DST: variants seen among roughly 807,000 people sequenced by gnomAD.
The protein encoded by DST is dystonin, also known as bullous pemphigoid antigen.
In DST, 253 loss-of-function variants were observed where a neutral mutation model predicts 875.2. The observed-to-expected ratio is 0.29, with a 90% CI of 0.26 to 0.32. The LOEUF (loss-of-function observed/expected upper bound fraction) is 0.32. Ranked by LOEUF, DST falls within the 10% of genes least tolerant of loss-of-function variation. The pLI is 1.00. For synonymous variants in DST, 3,124 were observed against 3,197.1 expected (o/e 0.98, Z 0.77); for missense variants, 8,287 against 9,111.6 (o/e 0.91, Z 3.68).
At chr6:56,496,108 T>C (rs575997950) in intron 82 of DST, among the ~76,000 whole-genome samples, 6 of 152,308 alleles carry the variant, frequency 3.9e-5, no homozygotes, top group Non-Finnish European at 8.8e-5. Context: ...TTAAAAAATT[T>C]CTGATGTAAA....
chr6:56,954,468 G>A lies in DST; in HGVS notation c.120C>T (p.Arg40=). The A allele has an allele frequency of 7.3e-7, 1 of 1,367,544 alleles. No individual in the cohort carries two copies. The allele number at this position is 1,367,544 out of a possible 1,614,324, so 84.7% of individuals were successfully genotyped here. A position where few individuals can be genotyped will look rare whatever the true frequency, so the allele number is the denominator to read the frequency against. Residue 40 remains arginine (R), a synonymous_variant, in exon 1 of 104, where the codon CGC becomes CGT. Transcript: ENST00000680361. ...ATIVFFCCWH[R]KLQKGRHPMK... ...TCGGATGCCTCCCTTTCTGGAGCTT[G>A]CGGTGCCAGCAGCAGAAGAAGACGA...
Position 56,501,596 on chromosome 6 carries a change from T to C in DST, c.19664A>G (p.Lys6555Arg), listed in dbSNP as rs2096127306. 6.2e-7 allele frequency: 1 copy of C among 1,609,406 alleles called. No individual in the cohort carries two copies. Among genetic ancestry groups the C allele is most frequent in the South Asian group, 1.1e-5 (1 of 90,386 alleles). The change falls in exon 79 of 104, where the codon AAA becomes AGA. Residue 6555 changes from lysine (K) to arginine (R), a missense_variant. By Grantham distance (26) the Lys-to-Arg change is conservative. Around this residue, in one of 10 missense-constraint regions of DST, gnomAD observed 1,292 missense variants for 1,552.7 expected, o/e 0.83. Transcript: ENST00000680361. ...LLKKVTEESD[K>R]HTVQDPLMEL... ...CATTAATGGGTCTTGAACAGTGTGT[T>C]TGTCACTCTCTTCTGTTACTTTCTT...
intron 3 of DST, among the ~76,000 whole-genome samples, chr6:56,876,785 T>C (rs115908156): frequency 5.9e-5 from 9 of 152,304 alleles, no homozygotes; most frequent in African/African-American, 1.4e-4. Context: ...TCCCCAAATG[T>C]ATCCATTTCT....
chr6:56,622,214 A>C (rs986013104), intron 36 of DST, among the ~76,000 whole-genome samples: 8 of 152,204 alleles, frequency 5.3e-5, no homozygotes, highest in African/African-American at 1.7e-4. Flanking sequence ...GAAAAACTAA[A>C]AATTCCCTCA....
chr6:56,912,661 G>A (rs1799267979), intron 2 of DST, among the ~76,000 whole-genome samples: 1 of 152,172 alleles, frequency 6.6e-6, no homozygotes, highest in Non-Finnish European at 1.5e-5. Context: ...ATCAGCAAGT[G>A]GGGGTGGTGC....
In DST at chr6:56,851,543, T is replaced by C; in HGVS notation, c.479A>G (p.Asp160Gly). ...GGAGCCAGATTTCTGGCTGAAATCA[T>C]CCTCATCGGAAAAATCCGCAGAGGA... ...MSSSADFSDE[D>G]DFSQKSGSAS... is the part of the protein sequence containing the mutation. The change falls in exon 4 of 104, where the codon GAT (aspartate) becomes GGT (glycine). Residue 160 changes from aspartate to glycine, a missense_variant. Coordinates refer to ENST00000680361, the MANE Select transcript of DST (RefSeq NM_001374736.1). The C allele has an allele frequency of 6.2e-7, 1 of 1,614,020 alleles. No individual in the cohort carries two copies. The highest frequency in any genetic ancestry group is 1.1e-5 in the South Asian group (1 of 91,068).
intron 3 of DST, among the ~76,000 whole-genome samples, chr6:56,888,802 A>G (rs547042144): frequency 4.0e-4 from 61 of 152,332 alleles, no homozygotes; most frequent in Middle Eastern, 3.4e-3. Flanking sequence ...GTAATCAGAA[A>G]AACAGAAAAT....
intron 9 of DST, among the ~76,000 whole-genome samples, chr6:56,697,079 T>A (rs1157600427): frequency 6.6e-6 from 1 of 152,080 alleles, no homozygotes; most frequent in Non-Finnish European, 1.5e-5. Context: ...TATCCCACCA[T>A]CCCATCAAGC....
At chr6:56,516,883 C>T (rs2096604576) in intron 71 of DST, among the ~76,000 whole-genome samples, 1 of 152,050 alleles carries the variant, frequency 6.6e-6, no homozygotes. Context: ...ATATAAAAAA[C>T]AATAATTTAT....
chr6:56,657,677 A>G (rs1380464265), intron 10 of DST, among the ~76,000 whole-genome samples: 2 of 152,228 alleles, frequency 1.3e-5, no homozygotes, highest in Non-Finnish European at 2.9e-5. Context: ...GTTGTACAAC[A>G]AAGTAAATGT....
At chr6:56,851,367 C>G (rs542511789) in intron 4 of DST, 30 bp downstream of exon 4, 48 of 1,597,478 alleles carry the variant, frequency 3.0e-5, no homozygotes, top group Non-Finnish European at 3.5e-5. Flanking sequence ...TCTCTTCCCC[C>G]ACTCCATCCC....
At position 56,693,458 on chromosome 6, in the gene DST, T is replaced by C. The variant is rs1009017758; in HGVS notation, c.1047+6195A>G. On this transcript the variant is annotated intron_variant, in intron 9 of 103. Coordinates refer to ENST00000680361, the MANE Select transcript of DST (RefSeq NM_001374736.1). Reference sequence around the variant, plus strand: ...CTGATGAGCTCTCAAGGCAAACCCTTAGCTTCACTGTATGAGAAGATTATG... The same window carrying C: ...CTGATGAGCTCTCAAGGCAAACCCTCAGCTTCACTGTATGAGAAGATTATG... 5 of 931,038 alleles carry C rather than the reference T, an allele frequency of 5.4e-6. No individual in the cohort carries two copies. The African/African-American group carries it at 7.1e-5, about 13-fold the overall frequency. The allele number at this position is 931,038 out of a possible 1,614,324, so 57.7% of individuals were successfully genotyped here.
rs1467396140 is a variant in DST at position 56,485,031 on chromosome 6, T to C, written c.21207+281A>G. 2.7e-5 allele frequency: 9 copies of C among 335,698 alleles called. No homozygotes were observed. In the Admixed American group the frequency reaches 4.2e-4, roughly 16 times the overall value. The allele number at this position is 335,698 out of a possible 1,614,324, so 20.8% of individuals were successfully genotyped here. On this transcript the variant is annotated intron_variant, in intron 88 of 103. Coordinates refer to ENST00000680361, the MANE Select transcript of DST (RefSeq NM_001374736.1). ...AGTAAAACATTCTTGAAATCTGTTT[T>C]AAAGCACCAGAGAATGAAATCACTT... is the stretch of plus-strand genomic sequence containing the variant.
chr6:56,644,669 C>G (rs1049338084), intron 15 of DST, among the ~76,000 whole-genome samples: 3 of 152,318 alleles, frequency 2.0e-5, no homozygotes, highest in Middle Eastern at 3.4e-3. Context: ...GATATCTGAA[C>G]TAGCCTAGGG....
rs143645591 is a variant in DST, at chr6:56,938,515, CA to C, written c.216+15269del. Among the ~76,000 whole-genome samples, 965 of 151,848 alleles carry C rather than the reference CA, an allele frequency of 6.4e-3. 10 individuals carry two copies. Among genetic ancestry groups the C allele is most frequent in the African/African-American group, 0.022 (928 of 41,360 alleles). On this transcript the variant is annotated intron_variant, in intron 2 of 103. Transcript: ENST00000680361. Reference sequence around the variant, plus strand: ...AGCCAAGAAATTGGAAAAGACTGTCCAGGGAAAAAAACAGAAAAAGCTTACC... The same window carrying C: ...AGCCAAGAAATTGGAAAAGACTGTCCGGGAAAAAAACAGAAAAAGCTTACC...
At chr6:56,734,574 C>G (rs1202158117) in intron 5 of DST, among the ~76,000 whole-genome samples, 3 of 152,098 alleles carry the variant, frequency 2.0e-5, no homozygotes, top group Non-Finnish European at 4.4e-5. Context: ...GTTCCTTACA[C>G]AAGATTTACA....
chr6:56,460,005 C>T, intron 103 of DST, 126 bp downstream of exon 103: 1 of 1,163,302 alleles, frequency 8.6e-7, no homozygotes, highest in Non-Finnish European at 1.2e-6. Context: ...ACTGGGGCTA[C>T]ATATCATTTT....
chr6:56,477,714 A>C (rs1191327795), intron 90 of DST, among the ~76,000 whole-genome samples: 1 of 152,204 alleles, frequency 6.6e-6, no homozygotes, highest in Non-Finnish European at 1.5e-5. Flanking sequence ...CTTGGAATCC[A>C]AGGGGAGTTG....
Position 56,624,581 on chromosome 6 carries a change from T to C in DST, c.4878A>G (p.Thr1626=). Reference sequence around the variant, plus strand: ...AATCACCAGCAAATTTAATATATTGTGTCATGAGAGTGACCAGGGCAGTAT... The same window carrying C: ...AATCACCAGCAAATTTAATATATTGCGTCATGAGAGTGACCAGGGCAGTAT... The part of the protein sequence containing the change: ...TRYTALVTLM[T]QYIKFAGDSL... Residue 1626 remains threonine, a synonymous_variant, in exon 36 of 104, where the codon ACA becomes ACG. Transcript: ENST00000680361. 6.2e-7 allele frequency: 1 copy of C among 1,613,546 alleles called. No individual in the cohort carries two copies. Among genetic ancestry groups the C allele is most frequent in the African/African-American group, 1.3e-5 (1 of 75,014 alleles).
Sources: allele counts gnomAD v4.1 joint callset (sites outside exome capture counted in the v4.1 genomes callset), GRCh38; gene constraint gnomAD v4.1.1; regional missense constraint gnomAD v4.1.1; transcripts MANE v1.5; gene names NCBI Gene and HGNC (gene_info 2026-07-23, HGNC 2026-07-21).